Variants in MICAL3 observed in about 807,000 individuals in gnomAD.
The protein encoded by MICAL3 is [F-actin]-monooxygenase MICAL3.
A neutral mutation model predicts 207.4 loss-of-function variants in MICAL3; 62 were observed. The ratio of observed to expected loss-of-function variants is 0.30; its 90% confidence interval spans 0.24 to 0.37. The LOEUF is 0.37. Among genes scored for constraint, MICAL3 ranks in the 10% least tolerant of loss-of-function variants. MICAL3 has a pLI of 1.00. For missense variants in MICAL3, 2,368 were observed against 2,635.6 expected (o/e 0.90, Z 2.22); for synonymous variants, 1,077 against 1,069.3 (o/e 1.01, Z -0.14).
intron 19 of MICAL3, chr22:17,864,540 C>T (rs567311672): frequency 1.9e-5 from 28 of 1,440,784 alleles, no homozygotes; most frequent in East Asian, 1.5e-4. Flanking sequence ...AGTGTCTGAG[C>T]GCCTGCGAGC....
At chr22:17,903,926 C>T (rs990092313) in intron 3 of MICAL3, among the ~76,000 whole-genome samples, 46 of 152,350 alleles carry the variant, frequency 3.0e-4, no homozygotes, top group African/African-American at 1.1e-3. Flanking sequence ...AGTTTCATAA[C>T]GCACACTGTC....
In MICAL3 at chr22:17,852,867, G is replaced by A. The variant is rs190313970; in HGVS notation, c.2606-10850C>T. On this transcript the variant is annotated intron_variant, in intron 19 of 31. Coordinates refer to ENST00000441493, the MANE Select transcript of MICAL3 (RefSeq NM_015241.3). ...AGGCGGGAGGATCACCTGAGGTCAG[G>A]AGTTCAAGACCAGCCTAGCTGACAT... Among the ~76,000 whole-genome samples, 367 of 152,282 alleles carry A rather than the reference G, an allele frequency of 2.4e-3. 1 individual carries two copies. Among genetic ancestry groups the A allele is most frequent in the Admixed American group, 0.012 (183 of 15,300 alleles).
At chr22:17,939,182 G>A (rs1316729426) in intron 1 of MICAL3, among the ~76,000 whole-genome samples, 3 of 152,164 alleles carry the variant, frequency 2.0e-5, no homozygotes, top group Non-Finnish European at 4.4e-5. Flanking sequence ...TGCACGGCCT[G>A]CAGAGTCCCC....
intron 1 of MICAL3, among the ~76,000 whole-genome samples, chr22:17,919,435 C>T (rs1045004279): frequency 3.9e-5 from 6 of 152,214 alleles, no homozygotes; most frequent in African/African-American, 1.4e-4. Flanking sequence ...CCATTTTATT[C>T]ACTGTTGCGT....
Position 17,809,887 on chromosome 22 carries a change from T to A in MICAL3, c.5556+816A>T, listed in dbSNP as rs552509855. Among the ~76,000 whole-genome samples, 35 of 152,074 alleles carry A rather than the reference T, an allele frequency of 2.3e-4. No homozygotes were observed. The East Asian group carries it at 4.1e-3, about 18-fold the overall frequency. On this transcript the variant is annotated intron_variant, in intron 28 of 31. Transcript: ENST00000441493. The stretch of plus-strand genomic sequence containing the variant: ...ACTCAATGCAGGGTTCTTCCTTTTT[T>A]TTTTTATTTTTATTTTTATGAGATG...
chr22:17,914,138 A>T (rs1932320843), intron 1 of MICAL3, among the ~76,000 whole-genome samples: 1 of 152,236 alleles, frequency 6.6e-6, no homozygotes, highest in Non-Finnish European at 1.5e-5. Context: ...AGTCTAAATA[A>T]AAACGGAACA....
At chr22:17,883,670 T>C (rs1370491698) in intron 16 of MICAL3, among the ~76,000 whole-genome samples, 2 of 152,216 alleles carry the variant, frequency 1.3e-5, no homozygotes, top group Non-Finnish European at 2.9e-5. Context: ...TCACCTGCCC[T>C]ATTCTGTACT....
At chr22:17,914,356 T>C (rs1452970451) in intron 1 of MICAL3, among the ~76,000 whole-genome samples, 1 of 152,082 alleles carries the variant, frequency 6.6e-6, no homozygotes, top group Non-Finnish European at 1.5e-5. Context: ...TACTGAGTCG[T>C]TACTACTCGG....
At chr22:17,881,816 AG>A (rs1330596563) in intron 16 of MICAL3, among the ~76,000 whole-genome samples, 1 of 152,246 alleles carries the variant, frequency 6.6e-6, no homozygotes, top group Non-Finnish European at 1.5e-5. Context: ...AATGCAACAA[AG>A]GCAGGAGCAT....
At chr22:17,799,949 AACACAC>A (rs3078144) in intron 29 of MICAL3, among the ~76,000 whole-genome samples, 6,124 of 146,648 alleles carry the variant, frequency 0.042, 398 homozygotes, top group African/African-American at 0.14. Flanking sequence ...CTCACTCTAA[AACACAC>A]ACACACACAC....
intron 1 of MICAL3, among the ~76,000 whole-genome samples, chr22:17,946,390 G>C (rs1038255648): frequency 2.0e-5 from 3 of 152,174 alleles, no homozygotes; most frequent in African/African-American, 7.2e-5. Flanking sequence ...GTGAAACAAC[G>C]ACCCACATGT....
chr22:17,835,973 T>C (rs1020764874), intron 20 of MICAL3, among the ~76,000 whole-genome samples: 2 of 152,162 alleles, frequency 1.3e-5, no homozygotes, highest in Non-Finnish European at 2.9e-5. Context: ...ACCCCGACTG[T>C]CCCCCGGTAA....
intron 2 of MICAL3, 129 bp downstream of exon 2, chr22:17,906,420 C>G: frequency 3.2e-6 from 5 of 1,567,536 alleles, no homozygotes; most frequent in Non-Finnish European, 4.4e-6. Flanking sequence ...TGGCACAGAA[C>G]TTGCCATAGA....
At chr22:17,979,060 G>A (rs1180219828) in intron 1 of MICAL3, among the ~76,000 whole-genome samples, 5 of 151,648 alleles carry the variant, frequency 3.3e-5, no homozygotes, top group African/African-American at 4.8e-5. Context: ...TGTGGTCCCA[G>A]CTACTTGGGA....
chr22:17,942,437 A>G (rs898414443), intron 1 of MICAL3, among the ~76,000 whole-genome samples: 5 of 152,152 alleles, frequency 3.3e-5, no homozygotes, highest in Admixed American at 6.5e-5. Context: ...TCCTCCACTT[A>G]GCGGAGTGGT....
At chr22:17,813,859 A>AG (rs2062074800) in intron 27 of MICAL3, 1 of 152,232 alleles carries the variant, frequency 6.6e-6, no homozygotes, top group Admixed American at 6.5e-5. Flanking sequence ...AGGGCTCAAG[A>AG]GGCAGCTGCG....
chr22:17,943,446 G>A (rs978608931), intron 1 of MICAL3, among the ~76,000 whole-genome samples: 8 of 152,226 alleles, frequency 5.3e-5, no homozygotes, highest in Non-Finnish European at 8.8e-5. Flanking sequence ...TTACAGGCAT[G>A]AGCCACCGCA....
At chr22:17,978,413 ATGG>A (rs1935751684) in intron 1 of MICAL3, among the ~76,000 whole-genome samples, 1 of 152,212 alleles carries the variant, frequency 6.6e-6, no homozygotes, top group African/African-American at 2.4e-5. Flanking sequence ...AGTAACTCCT[ATGG>A]GTACAAGGCT....
intron 1 of MICAL3, among the ~76,000 whole-genome samples, chr22:17,913,862 G>A (rs1016557993): frequency 7.2e-5 from 11 of 152,070 alleles, no homozygotes; most frequent in South Asian, 2.1e-4. Flanking sequence ...GAATCATAGC[G>A]AGGCACCCAA....
Sources: allele counts gnomAD v4.1 joint callset (sites outside exome capture counted in the v4.1 genomes callset), GRCh38; gene constraint gnomAD v4.1.1; transcripts MANE v1.5; gene names NCBI Gene and HGNC (gene_info 2026-07-23, HGNC 2026-07-21).